The following CRY1 variants were observed in gnomAD, a reference collection of about 807,000 sequenced individuals.
The protein encoded by CRY1 is cryptochrome-1.
A neutral mutation model predicts 76.0 loss-of-function variants in CRY1; 45 were observed. The ratio of observed to expected loss-of-function variants is 0.59; its 90% CI spans 0.47 to 0.76. The LOEUF (loss-of-function observed/expected upper bound fraction) is 0.76, where lower values mean the gene tolerates loss of function less well. Ranked by LOEUF, CRY1 falls within the 30% of genes least tolerant of loss-of-function variation. The probability of loss-of-function intolerance (pLI) is 0.00; values close to 1 mark genes in which losing one functional copy is unlikely to be tolerated. For missense variants in CRY1, 587 were observed against 716.4 expected (o/e 0.82, Z 2.06); for synonymous variants, 248 against 244.0 (o/e 1.02, Z -0.15).
intron 1 of CRY1, among the ~76,000 whole-genome samples, chr12:107,048,479 A>G (rs1267817592): frequency 6.6e-6 from 1 of 152,204 alleles, no homozygotes; most frequent in Non-Finnish European, 1.5e-5. Context: ...TTTGCCTGGC[A>G]AAACCCCTCT....
intron 1 of CRY1, among the ~76,000 whole-genome samples, chr12:107,045,033 C>T (rs1952834697): frequency 1.3e-5 from 2 of 152,056 alleles, no homozygotes; most frequent in African/African-American, 2.4e-5. Context: ...TCAAAGGTCC[C>T]CAAATAGATT....
intron 1 of CRY1, among the ~76,000 whole-genome samples, chr12:107,070,600 T>G (rs1205451923): frequency 6.6e-6 from 1 of 151,998 alleles, no homozygotes; most frequent in Non-Finnish European, 1.5e-5. Flanking sequence ...GATAATGTCT[T>G]AAACTAATTC....
At chr12:107,019,299 C>T (rs1952527946) in intron 2 of CRY1, among the ~76,000 whole-genome samples, 1 of 151,794 alleles carries the variant, frequency 6.6e-6, no homozygotes, top group Non-Finnish European at 1.5e-5. Flanking sequence ...GGAATTAATT[C>T]CCTCTATGGC....
chr12:107,048,536 C>T (rs1225676918), intron 1 of CRY1, among the ~76,000 whole-genome samples: 1 of 152,178 alleles, frequency 6.6e-6, no homozygotes, highest in Non-Finnish European at 1.5e-5. Context: ...TCTGTCCTCT[C>T]CTTTTGGGAT....
At chr12:107,081,532 C>T (rs1287775603) in intron 1 of CRY1, among the ~76,000 whole-genome samples, 1 of 151,892 alleles carries the variant, frequency 6.6e-6, no homozygotes, top group African/African-American at 2.4e-5. Flanking sequence ...TGTCCGTTTT[C>T]CCCCCACTGG....
intron 2 of CRY1, among the ~76,000 whole-genome samples, chr12:107,018,457 C>T (rs1057015158): frequency 6.6e-6 from 1 of 152,144 alleles, no homozygotes; most frequent in Non-Finnish European, 1.5e-5. Flanking sequence ...TGTGGTGGTG[C>T]ATGCCTATAA....
At chr12:107,074,422 T>C (rs935987862) in intron 1 of CRY1, among the ~76,000 whole-genome samples, 1 of 152,210 alleles carries the variant, frequency 6.6e-6, no homozygotes, top group African/African-American at 2.4e-5. Context: ...AATTTGTTGT[T>C]GCTGTTGCTA....
chr12:107,009,596 A>ATATATATATATATATATATATG, intron 2 of CRY1, among the ~76,000 whole-genome samples: 1 of 20,088 alleles, frequency 5.0e-5, no homozygotes, highest in African/African-American at 2.3e-4. Context: ...ATATATATAT[A>ATATATATATATATATATATATG]TATATAAAAT....
intron 2 of CRY1, among the ~76,000 whole-genome samples, chr12:107,012,461 A>C (rs1952456164): frequency 1.3e-5 from 2 of 152,204 alleles, no homozygotes; most frequent in African/African-American, 4.8e-5. Flanking sequence ...CTCAGAAAGA[A>C]AGACTCCTTT....
chr12:107,001,735 G>T, intron 4 of CRY1, 29 bp downstream of exon 4: 1 of 1,485,632 alleles, frequency 6.7e-7, no homozygotes, highest in Non-Finnish European at 8.9e-7. Context: ...TAACTTGCAA[G>T]CCTCACACTG....
intron 12 of CRY1, 50 bp downstream of exon 12, chr12:106,992,737 G>T (rs746778653): frequency 5.8e-6 from 8 of 1,387,824 alleles, no homozygotes; most frequent in African/African-American, 1.4e-5. Context: ...CTTAATTTAT[G>T]TTAATTATAT....
intron 1 of CRY1, among the ~76,000 whole-genome samples, chr12:107,038,556 T>C (rs535785077): frequency 6.6e-6 from 1 of 152,262 alleles, no homozygotes; most frequent in South Asian, 2.1e-4. Flanking sequence ...AGCAAGGGCA[T>C]GTGGGACAGC....
At chr12:107,006,561 G>A (rs1486662284) in intron 2 of CRY1, among the ~76,000 whole-genome samples, 1 of 150,400 alleles carries the variant, frequency 6.6e-6, no homozygotes, top group African/African-American at 2.4e-5. Context: ...CAGAAAGACT[G>A]TACAAATTTA....
rs148182104 is a variant in CRY1, at chr12:107,084,810, A to G, written c.158+7994T>C. Among the ~76,000 whole-genome samples the G allele has an allele frequency of 4.3e-3, 658 of 152,326 alleles. 2 individuals are homozygous for G. The highest frequency in any genetic ancestry group is 0.015 in the African/African-American group (631 of 41,572). ...CCAAAAGCAATGGCAACAAAAGCCAAACTTGACAAATGGGATCTAATTAAA... is the reference window on the plus strand; with the variant it reads ...CCAAAAGCAATGGCAACAAAAGCCAGACTTGACAAATGGGATCTAATTAAA... On this transcript the variant is annotated intron_variant, in intron 1 of 12. Coordinates refer to ENST00000008527, the MANE Select transcript of CRY1 (RefSeq NM_004075.5).
At chr12:107,001,709 G>C (rs1212027604) in intron 4 of CRY1, 55 bp downstream of exon 4, 30 of 1,407,462 alleles carry the variant, frequency 2.1e-5, no homozygotes, top group African/African-American at 4.5e-5. Context: ...AATTTTCTGA[G>C]TAATTTATGA....
At chr12:107,045,962 C>A (rs1952844265) in intron 1 of CRY1, among the ~76,000 whole-genome samples, 1 of 151,712 alleles carries the variant, frequency 6.6e-6, no homozygotes, top group African/African-American at 2.4e-5. Flanking sequence ...AGTATAATTA[C>A]AAAAAAATAC....
intron 1 of CRY1, among the ~76,000 whole-genome samples, chr12:107,033,226 G>A (rs571864592): frequency 6.6e-6 from 1 of 152,128 alleles, no homozygotes. Context: ...GAAAGAACAG[G>A]AATAATTCTA....
chr12:107,063,625 C>T (rs1000262182), intron 1 of CRY1, among the ~76,000 whole-genome samples: 1 of 152,012 alleles, frequency 6.6e-6, no homozygotes, highest in Non-Finnish European at 1.5e-5. Flanking sequence ...GAGACAGAGT[C>T]TTGCTCTTGT....
chr12:107,090,383 T>C (rs1374726696), intron 1 of CRY1, among the ~76,000 whole-genome samples: 1 of 152,128 alleles, frequency 6.6e-6, no homozygotes, highest in East Asian at 1.9e-4. Context: ...CTGACCAAAA[T>C]ACTTTCTTTA....
Sources: allele counts gnomAD v4.1 joint callset (sites outside exome capture counted in the v4.1 genomes callset), GRCh38; gene constraint gnomAD v4.1.1; transcripts MANE v1.5; gene names NCBI Gene and HGNC (gene_info 2026-07-23, HGNC 2026-07-21).